NKTR: variants seen among roughly 807,000 people sequenced by gnomAD.
NKTR encodes the protein natural killer cell triggering receptor.
A neutral mutation model predicts 156.3 loss-of-function variants in NKTR; 67 were observed. The observed-to-expected ratio is 0.43, with a 90% CI of 0.35 to 0.53. The LOEUF (loss-of-function observed/expected upper bound fraction) is 0.53. NKTR is among the 20% of genes least tolerant of loss of function. The pLI, the probability that NKTR is intolerant of heterozygous loss-of-function variation, is 0.01. For missense variants in NKTR, 1,604 were observed against 1,730.9 expected, an observed-to-expected ratio of 0.93 and a Z score of 1.30; for synonymous variants, 640 against 596.6, an observed-to-expected ratio of 1.07 and a Z score of -1.06.
rs923030820 is a variant in NKTR, at chr3:42,644,104, A to G, written c.4301+101A>G. On this transcript the variant is annotated intron_variant, in intron 16 of 16. Transcript: ENST00000232978. ...TGCTAGTGGAAGAGAAAGTGGTATA[A>G]TCTTCCAAGGACAGAAATACTTCTT... 13 of 678,378 alleles carry G rather than the reference A, an allele frequency of 1.9e-5. No individual in the cohort carries two copies. The African/African-American group carries it at 2.0e-4, about 11-fold the overall frequency. The allele number at this position is 678,378 out of a possible 1,614,324, so 42.0% of individuals were successfully genotyped here.
intron 2 of NKTR, among the ~76,000 whole-genome samples, chr3:42,611,699 C>G (rs1212702468): frequency 1.3e-5 from 2 of 149,326 alleles, no homozygotes; most frequent in African/African-American, 5.0e-5. Context: ...TGCCACTGCA[C>G]TCCAGCCTGG....
At chr3:42,625,260 A>G (rs1708268426) in intron 6 of NKTR, among the ~76,000 whole-genome samples, 1 of 152,160 alleles carries the variant, frequency 6.6e-6, no homozygotes, top group Non-Finnish European at 1.5e-5. Context: ...GCGCAGCCAT[A>G]GAGTAGGGAT....
In NKTR at chr3:42,642,655, C is replaced by G. The variant is rs1036983446; in HGVS notation, c.4142+59C>G. ...CCATCATGTCCACTTTTTAAGGCTACATAGGCAGAGGGGGTAGTTGTTGAG... is the reference window on the plus strand; with the variant it reads ...CCATCATGTCCACTTTTTAAGGCTAGATAGGCAGAGGGGGTAGTTGTTGAG... On this transcript the variant is annotated intron_variant, in intron 14 of 16. Transcript: ENST00000232978. 2.5e-6 allele frequency: 3 copies of G among 1,195,188 alleles called. No individual in the cohort carries two copies. In the African/African-American group the frequency reaches 4.5e-5, roughly 18 times the overall value. 74.0% of individuals were successfully genotyped at this position (1,195,188 alleles called of 1,614,324 possible).
intron 1 of NKTR, 53 bp from the exon 2 acceptor site, chr3:42,600,931 C>CTCGCCCCCGCCCTCGCCCCTGCCA: frequency 8.4e-7 from 1 of 1,192,972 alleles, no homozygotes; most frequent in Non-Finnish European, 1.1e-6. Flanking sequence ...CGCCCCTGCC[C>CTCGCCCCCGCCCTCGCCCCTGCCA]TCGCCCCCGC....
intron 2 of NKTR, among the ~76,000 whole-genome samples, chr3:42,607,810 C>T (rs1443905528): frequency 6.6e-6 from 1 of 151,752 alleles, no homozygotes; most frequent in African/African-American, 2.4e-5. Flanking sequence ...TTTTTTCCCA[C>T]AGTAACAGAT....
At position 42,647,548 on chromosome 3, in the gene NKTR, G is replaced by C. The variant is rs1051971747; in HGVS notation, c.*1573G>C. On this transcript the variant is annotated 3_prime_UTR_variant, in exon 17 of 17. Coordinates refer to ENST00000232978, the MANE Select transcript of NKTR (RefSeq NM_005385.4). ...TGTATTAAAACTATCACCCAAAGAA[G>C]GTATGAAAACAGGGTAAGGTGGTCA... The C allele has an allele frequency of 6.6e-6, 1 of 151,824 alleles. No homozygotes were observed. The highest frequency in any genetic ancestry group is 2.4e-5 in the African/African-American group (1 of 41,294). 9.4% of individuals were successfully genotyped at this position (151,824 alleles called of 1,614,324 possible).
At chr3:42,645,818 A>G (rs1173968555) in intron 16 of NKTR, 70 bp from the exon 17 acceptor site, 1 of 1,037,238 alleles carries the variant, frequency 9.6e-7, no homozygotes, top group Non-Finnish European at 1.4e-6. Context: ...CATATAAAAA[A>G]CAAGCTATAA....
At chr3:42,641,512 A>C (rs1709880903) in intron 13 of NKTR, among the ~76,000 whole-genome samples, 1 of 152,200 alleles carries the variant, frequency 6.6e-6, no homozygotes, top group Non-Finnish European at 1.5e-5. Context: ...TTTATTAAGT[A>C]TTAGACATAA....
In NKTR at chr3:42,617,554, A is replaced by G. The variant is rs771300979; in HGVS notation, c.59-16A>G. ...TTAACTTGCTTACTATTTTTTTCCT[A>G]TGTATTTTATTTCAGTTGGTCGCAT... On this transcript the variant is annotated splice_polypyrimidine_tract_variant and intron_variant, in intron 2 of 16. Coordinates refer to ENST00000232978, the MANE Select transcript of NKTR (RefSeq NM_005385.4). 7.6e-6 allele frequency: 11 copies of G among 1,453,490 alleles called. No individual in the cohort carries two copies. The highest frequency in any genetic ancestry group is 5.6e-5 in the African/African-American group (4 of 71,486). The allele number at this position is 1,453,490 out of a possible 1,614,324, so 90.0% of individuals were successfully genotyped here.
At chr3:42,630,760 G>A in intron 7 of NKTR, 185 bp downstream of exon 7, 1 of 1,397,718 alleles carries the variant, frequency 7.2e-7, no homozygotes, top group Non-Finnish European at 9.3e-7. Context: ...TGTGACTGAA[G>A]GAGTCAATCT....
intron 2 of NKTR, 88 bp from the exon 3 acceptor site, chr3:42,617,482 T>C (rs1026093470): frequency 1.5e-6 from 1 of 666,094 alleles, no homozygotes; most frequent in Non-Finnish European, 2.7e-6. Context: ...AAATAGACTT[T>C]CTAATTTGTT....
chr3:42,611,422 A>C (rs901302787), intron 2 of NKTR, among the ~76,000 whole-genome samples: 1 of 152,006 alleles, frequency 6.6e-6, no homozygotes. Flanking sequence ...TGTTAGTTCT[A>C]CTTGTGAATA....
chr3:42,638,412 C>T lies in NKTR; in HGVS notation c.2708C>T (p.Ser903Phe), dbSNP rs1347498505. The T allele has an allele frequency of 1.2e-6, 2 of 1,613,654 alleles. No homozygotes were observed. The highest frequency in any genetic ancestry group is 1.7e-6 in the Non-Finnish European group (2 of 1,179,926). The change falls in exon 13 of 17, where the codon TCC becomes TTC. Residue 903 changes from serine to phenylalanine, a missense_variant. Transcript: ENST00000232978. ...RDVTKNSKND[S>F]HPSSDKEEGE... Reference sequence around the variant, plus strand: ...GTCACTAAAAACAGTAAAAATGACTCCCATCCATCCTCTGACAAGGAAGAA... The same window carrying T: ...GTCACTAAAAACAGTAAAAATGACTTCCATCCATCCTCTGACAAGGAAGAA...
intron 6 of NKTR, 54 bp downstream of exon 6, chr3:42,621,570 A>G (rs1707904859): frequency 1.9e-6 from 3 of 1,568,524 alleles, no homozygotes; most frequent in South Asian, 1.2e-5. Flanking sequence ...AGCGCTGTTC[A>G]TAAGAAAGAT....
chr3:42,627,353 A>G (rs1708484399), intron 6 of NKTR: 2 of 985,444 alleles, frequency 2.0e-6, no homozygotes, highest in South Asian at 4.7e-5. Flanking sequence ...GCAGCAGTAC[A>G]TGTAAAACAA....
In NKTR at chr3:42,620,374, A is replaced by G. The variant is rs1707800865; in HGVS notation, c.286+666A>G. 5 of 1,058,604 alleles carry G rather than the reference A, an allele frequency of 4.7e-6. No individual in the cohort carries two copies. The South Asian group carries it at 1.7e-4, about 36-fold the overall frequency. 65.6% of individuals were successfully genotyped at this position (1,058,604 alleles called of 1,614,324 possible). On this transcript the variant is annotated intron_variant, in intron 5 of 16. Transcript: ENST00000232978. ...AACTATGACTGTGTTTATTCTCATA[A>G]TAGTAGCATCTGCATAAATCTAACT...
chr3:42,640,283 T>A (rs1252374280), intron 13 of NKTR, among the ~76,000 whole-genome samples: 1 of 152,248 alleles, frequency 6.6e-6, no homozygotes, highest in Non-Finnish European at 1.5e-5. Context: ...CTTTTTCTCA[T>A]CTTTGTCACT....
chr3:42,625,534 A>C (rs1341890421), intron 6 of NKTR, among the ~76,000 whole-genome samples: 1 of 152,178 alleles, frequency 6.6e-6, no homozygotes, highest in East Asian at 1.9e-4. Context: ...TAGTGGAGCA[A>C]GGAGAGTTGA....
At chr3:42,622,305 T>G (rs1246213223) in intron 6 of NKTR, among the ~76,000 whole-genome samples, 1 of 152,114 alleles carries the variant, frequency 6.6e-6, no homozygotes, top group African/African-American at 2.4e-5. Flanking sequence ...ATCATAATTC[T>G]ATCATATAAA....
Sources: allele counts gnomAD v4.1 joint callset (sites outside exome capture counted in the v4.1 genomes callset), GRCh38; gene constraint gnomAD v4.1.1; transcripts MANE v1.5; gene names NCBI Gene and HGNC (gene_info 2026-07-23, HGNC 2026-07-21).